The following MEG3 variants were observed in gnomAD, a reference collection of about 807,000 sequenced individuals.
MEG3 encodes maternally expressed 3, also known as Very putative protein from MEG3 locus.
intron 2 of MEG3, among the ~76,000 whole-genome samples, chr14:100,842,446 C>T (rs1270537746): frequency 6.6e-6 from 1 of 152,166 alleles, no homozygotes; most frequent in African/African-American, 2.4e-5. Flanking sequence ...TCCCAATTAC[C>T]TCTCCTATTT....
exon 1 of MEG3, chr14:100,835,057 G>A: frequency 2.9e-6 from 1 of 349,292 alleles, no homozygotes; most frequent in South Asian, 2.2e-5. Flanking sequence ...CCGGGGGGTT[G>A]CCCAGGGGCT....
At chr14:100,854,822 G>A (rs1031202234), upstream of MEG3, 2 of 152,744 alleles carry the variant, frequency 1.3e-5, no homozygotes, top group Non-Finnish European at 2.9e-5. Context: ...GTCAGCAAAT[G>A]TCCTCAGCCC....
chr14:100,860,624 T>C, intron 1 of MEG3: 1 of 456,424 alleles, frequency 2.2e-6, no homozygotes, highest in Non-Finnish European at 4.4e-6. Flanking sequence ...CCTGTCTGTC[T>C]GTGAACTCTT....
At chr14:100,827,108 C>G (rs2139929604) in intron 1 of MEG3, among the ~76,000 whole-genome samples, 1 of 152,216 alleles carries the variant, frequency 6.6e-6, no homozygotes, top group East Asian at 1.9e-4. Flanking sequence ...GTCTTCAGAG[C>G]GTTGCGTGGT....
intron 2 of MEG3, among the ~76,000 whole-genome samples, chr14:100,841,111 A>G (rs2037744743): frequency 6.6e-6 from 1 of 152,176 alleles, no homozygotes; most frequent in African/African-American, 2.4e-5. Flanking sequence ...GTTAGAGCGA[A>G]GCTGTTTGCA....
chr14:100,859,678 G>C (rs1595314046), exon 1 of MEG3: 1 of 152,212 alleles, frequency 6.6e-6, no homozygotes, highest in Non-Finnish European at 1.5e-5. Context: ...TGGGGTGGGG[G>C]CTTAAGACCC....
chr14:100,849,488 A>G (rs1383069283), intron 3 of MEG3: 1 of 152,232 alleles, frequency 6.6e-6, no homozygotes, highest in Non-Finnish European at 1.5e-5. Flanking sequence ...GGAGCTGCCC[A>G]TGGGATTGTC....
exon 2 of MEG3, chr14:100,860,953 A>T (rs2038388678): frequency 3.1e-6 from 1 of 324,684 alleles, no homozygotes; most frequent in African/African-American, 2.2e-5. Flanking sequence ...GGGCGCTGTG[A>T]TGCGGTTCCA....
At chr14:100,843,451 G>A (rs909286516) in intron 2 of MEG3, among the ~76,000 whole-genome samples, 1 of 152,170 alleles carries the variant, frequency 6.6e-6, no homozygotes, top group Admixed American at 6.5e-5. Flanking sequence ...GGGTGGTCTG[G>A]CAGCCTTTAG....
chr14:100,831,117 T>C (rs35431412), downstream of MEG3: 55,347 of 152,896 alleles, frequency 0.36, 10,518 homozygotes, highest in Admixed American at 0.46. Context: ...AGTGAATGTT[T>C]CTGTCACTTT....
At chr14:100,826,644 TA>T (rs1225307367) in intron 1 of MEG3, among the ~76,000 whole-genome samples, 2 of 152,088 alleles carry the variant, frequency 1.3e-5, no homozygotes, top group Admixed American at 6.5e-5. Context: ...CCCCATGAAT[TA>T]GGGGGGGAAG....
rs189332058 is a variant in MEG3, at chr14:100,851,279, C to G, written n.3121+5746C>G. The G allele has an allele frequency of 2.7e-3, 414 of 152,512 alleles. 1 individual carries two copies. Among genetic ancestry groups the G allele is most frequent in the Non-Finnish European group, 4.2e-3 (289 of 68,204 alleles). 9.4% of individuals were successfully genotyped at this position (152,512 alleles called of 1,614,324 possible). On this transcript the variant is annotated intron_variant and non_coding_transcript_variant, in intron 3 of 3. Coordinates refer to the MEG3 transcript ENST00000398461. ...TGAAGCCTGTTGGGTAGCTTGGCCA[C>G]TCCCGCGGCATGGGTCACCTGCACA...
intron 2 of MEG3, among the ~76,000 whole-genome samples, chr14:100,840,849 A>G (rs866918764): frequency 3.3e-5 from 5 of 152,178 alleles, no homozygotes; most frequent in South Asian, 4.1e-4. Context: ...GGGAAGGAGG[A>G]CAGTCGGGGG....
chr14:100,852,024 C>T (rs754677557), intron 3 of MEG3: 5 of 239,302 alleles, frequency 2.1e-5, no homozygotes, highest in Non-Finnish European at 4.2e-5. Context: ...AACAAGCGCC[C>T]GGAGCAGTAG....
chr14:100,840,596 T>C (rs1160579148), intron 2 of MEG3, among the ~76,000 whole-genome samples: 1 of 152,154 alleles, frequency 6.6e-6, no homozygotes, highest in Non-Finnish European at 1.5e-5. Context: ...CCCTTGCCCT[T>C]GTGTGTGTGT....
At chr14:100,836,184 C>T (rs564460228) in exon 2 of MEG3, 49 of 456,000 alleles carry the variant, frequency 1.1e-4, no homozygotes, top group African/African-American at 1.6e-4. Context: ...GGCCGTGGCC[C>T]GGCTGGGTCG....
At chr14:100,843,276 C>T (rs1211259389) in intron 2 of MEG3, among the ~76,000 whole-genome samples, 2 of 152,192 alleles carry the variant, frequency 1.3e-5, no homozygotes, top group Non-Finnish European at 2.9e-5. Context: ...AAAGCACCCG[C>T]CTCTGATTCC....
At chr14:100,827,326 AT>A (rs1446865258) in intron 1 of MEG3, 1 of 56,854 alleles carries the variant, frequency 1.8e-5, no homozygotes, top group Non-Finnish European at 3.4e-5. Context: ...GCACTGCGGA[AT>A]TTTGGGGGGC....
chr14:100,844,327 A>G (rs183422909), intron 2 of MEG3, among the ~76,000 whole-genome samples: 40 of 152,326 alleles, frequency 2.6e-4, no homozygotes, highest in Admixed American at 9.8e-4. Flanking sequence ...CTCCTGGCCC[A>G]GCCCCTGGCT....
Sources: allele counts gnomAD v4.1 joint callset (sites outside exome capture counted in the v4.1 genomes callset), GRCh38; gene constraint gnomAD v4.1.1; transcripts MANE v1.5; gene names NCBI Gene and HGNC (gene_info 2026-07-23, HGNC 2026-07-21).